FUT8: variants seen among roughly 807,000 people sequenced by gnomAD.
FUT8 encodes alpha-(1,6)-fucosyltransferase.
In FUT8, 29 loss-of-function variants were observed where a neutral mutation model predicts 71.3. That is an observed-to-expected ratio of 0.41 (90% confidence interval 0.30 to 0.55). FUT8 has a LOEUF of 0.55. Ranked by LOEUF, FUT8 falls within the 20% of genes least tolerant of loss-of-function variation. The pLI is 0.34. For synonymous variants in FUT8, 254 were observed against 239.3 expected (o/e 1.06, Z -0.57); for missense variants, 544 against 702.1 (o/e 0.77, Z 2.55).
chr14:65,391,871 C>T, the FUT8 span, among the ~76,000 whole-genome samples: 1 of 152,182 alleles, frequency 6.6e-6, no homozygotes, highest in African/African-American at 2.4e-5. Context: ...ATCCACCCGC[C>T]TCAGCCTCCC....
At chr14:65,595,801 G>C (rs1393600940) in intron 3 of FUT8, among the ~76,000 whole-genome samples, 1 of 151,824 alleles carries the variant, frequency 6.6e-6, no homozygotes, top group Non-Finnish European at 1.5e-5. Context: ...AGTAGAGACG[G>C]GGTTTCACCG....
At chr14:65,433,078 G>C (rs1443419714) in intron 1 of FUT8, among the ~76,000 whole-genome samples, 1 of 152,032 alleles carries the variant, frequency 6.6e-6, no homozygotes, top group Non-Finnish European at 1.5e-5. Context: ...CCTATTTCTG[G>C]CAACCACAGA....
At chr14:65,383,236 A>ACCAT in the FUT8 span, among the ~76,000 whole-genome samples, 3 of 137,086 alleles carry the variant, frequency 2.2e-5, no homozygotes, top group African/African-American at 8.2e-5. Context: ...CTCAATAACC[A>ACCAT]CCATTGGATT....
intron 8 of FUT8, among the ~76,000 whole-genome samples, chr14:65,723,675 G>A (rs1415579113): frequency 6.6e-6 from 1 of 152,130 alleles, no homozygotes; most frequent in Non-Finnish European, 1.5e-5. Context: ...TGGCAGTTAT[G>A]GTGACTCTCC....
chr14:65,457,302 A>G (rs1191056969), intron 2 of FUT8, among the ~76,000 whole-genome samples: 1 of 152,264 alleles, frequency 6.6e-6, no homozygotes, highest in Non-Finnish European at 1.5e-5. Context: ...TTATTAAAAC[A>G]TAATGAGAAC....
In FUT8 at chr14:65,713,984, A is replaced by G. The variant is rs535710998; in HGVS notation, c.836-7791A>G. Reference sequence around the variant, plus strand: ...GAGAGCTTCCCCAATGTTTTCTCTTAGTAGTTTCATAGTTTGAGGTCTTAG... The same window carrying G: ...GAGAGCTTCCCCAATGTTTTCTCTTGGTAGTTTCATAGTTTGAGGTCTTAG... On this transcript the variant is annotated intron_variant, in intron 7 of 10. Coordinates refer to ENST00000673929, the MANE Select transcript of FUT8 (RefSeq NM_001371533.1). Among the ~76,000 whole-genome samples, 129 of 152,272 alleles carry G rather than the reference A, an allele frequency of 8.5e-4. 1 individual carries two copies. Among genetic ancestry groups the G allele is most frequent in the Non-Finnish European group, 1.5e-3 (100 of 68,018 alleles).
At position 65,439,954 on chromosome 14, in the gene FUT8, G is replaced by GTATACGTATATATA. The variant is rs1555360999; in HGVS notation, c.-325-15663_-325-15662insCGTATATATATATA. Among the ~76,000 whole-genome samples the GTATACGTATATATA allele has an allele frequency of 4.1e-3, 304 of 74,976 alleles. 16 individuals are homozygous for GTATACGTATATATA. Among genetic ancestry groups the GTATACGTATATATA allele is most frequent in the Non-Finnish European group, 6.4e-3 (258 of 40,296 alleles). The allele number at this position is 74,976 out of a possible 152,430, so 49.2% of individuals were successfully genotyped here. A position where few individuals can be genotyped will look rare whatever the true frequency, so the allele number is the denominator to read the frequency against. On this transcript the variant is annotated intron_variant, in intron 1 of 10. Transcript: ENST00000673929. ...ATAAAGAAAATGTGTGTGTGTGTGT[G>GTATACGTATATATA]TATATATATATATATATATATATAT...
chr14:65,509,262 C>T (rs1326101142), intron 2 of FUT8, among the ~76,000 whole-genome samples: 5 of 151,932 alleles, frequency 3.3e-5, no homozygotes, highest in South Asian at 2.1e-4. Flanking sequence ...TCTGGGTTCT[C>T]GGTTCTATTG....
upstream of FUT8, chr14:65,412,453 C>G (rs934755545): frequency 7.2e-5 from 30 of 415,524 alleles, no homozygotes; most frequent in African/African-American, 5.7e-4. Flanking sequence ...CGCTCGCGCC[C>G]CGCTCAGCCT....
At position 65,633,599 on chromosome 14, in the gene FUT8, C is replaced by T. The variant is rs1419629354; in HGVS notation, c.597+3993C>T. Among the ~76,000 whole-genome samples, 7 of 151,238 alleles carry T rather than the reference C, an allele frequency of 4.6e-5. 1 individual carries two copies. The highest frequency in any genetic ancestry group is 6.3e-3 in the Middle Eastern group (2 of 316). ...GGAGCGTCTCTGCCCGGCCGCCCAT[C>T]GTCTGAGATGTGGGGAGCGCCTCTG... is the stretch of plus-strand genomic sequence containing the variant. On this transcript the variant is annotated intron_variant, in intron 6 of 10. Coordinates refer to ENST00000673929, the MANE Select transcript of FUT8 (RefSeq NM_001371533.1).
chr14:65,555,774 C>A (rs1885555338), intron 2 of FUT8, among the ~76,000 whole-genome samples: 1 of 152,090 alleles, frequency 6.6e-6, no homozygotes, highest in Non-Finnish European at 1.5e-5. Context: ...TTAAAGTTTT[C>A]TAGTTTATAT....
At chr14:65,562,293 T>G (rs556808255) in intron 3 of FUT8, among the ~76,000 whole-genome samples, 52 of 152,258 alleles carry the variant, frequency 3.4e-4, no homozygotes, top group Admixed American at 3.2e-3. Context: ...TATTAAAAAT[T>G]TTATATGAAC....
chr14:65,602,447 T>G (rs529500729), intron 3 of FUT8, among the ~76,000 whole-genome samples: 1 of 148,394 alleles, frequency 6.7e-6, no homozygotes, highest in Admixed American at 6.8e-5. Flanking sequence ...TGGTTCCACA[T>G]TTTTGCAATT....
intron 7 of FUT8, among the ~76,000 whole-genome samples, chr14:65,691,761 T>A (rs1313587774): frequency 6.6e-6 from 1 of 151,762 alleles, no homozygotes; most frequent in African/African-American, 2.4e-5. Context: ...TTCTGCAGTG[T>A]TTGTGTCCCT....
chr14:65,737,710 T>C (rs1200209464), intron 10 of FUT8, among the ~76,000 whole-genome samples: 1 of 152,124 alleles, frequency 6.6e-6, no homozygotes, highest in Non-Finnish European at 1.5e-5. Flanking sequence ...AGACATTGTT[T>C]AAAGAGCAGT....
At chr14:65,374,833 C>G in the FUT8 span, among the ~76,000 whole-genome samples, 1 of 151,914 alleles carries the variant, frequency 6.6e-6, no homozygotes, top group Non-Finnish European at 1.5e-5. Context: ...AACTCCTGAC[C>G]TCGTGATCCA....
intron 2 of FUT8, among the ~76,000 whole-genome samples, chr14:65,543,052 GATTA>G: frequency 6.6e-6 from 1 of 152,300 alleles, no homozygotes; most frequent in Admixed American, 6.5e-5. Context: ...AAAGTGCTGG[GATTA>G]CAGGCGTGAG....
intron 6 of FUT8, among the ~76,000 whole-genome samples, chr14:65,633,731 A>G (rs1181860836): frequency 7.3e-6 from 1 of 136,748 alleles, no homozygotes; most frequent in African/African-American, 2.9e-5. Context: ...AAGTGAGGAG[A>G]CCCTCTGCCA....
intron 6 of FUT8, chr14:65,636,666 T>C (rs1223043739): frequency 6.6e-6 from 1 of 152,188 alleles, no homozygotes; most frequent in Non-Finnish European, 1.5e-5. Context: ...AAGGTTCCAG[T>C]TGGAGTTGAT....
Sources: gnomAD v4.1 joint callset for allele counts (sites outside exome capture counted in the v4.1 genomes callset) on GRCh38, gnomAD v4.1.1 for gene constraint, MANE v1.5 for transcripts, NCBI Gene and HGNC (gene_info 2026-07-23, HGNC 2026-07-21) for gene names.